Variants in TENM1 observed in about 807,000 individuals in gnomAD.
The protein encoded by TENM1 is teneurin transmembrane protein 1, also known as teneurin-1.
Under a neutral mutation model 174.8 loss-of-function variants are expected in TENM1, and 35 were observed. That is an observed-to-expected ratio of 0.20 (90% CI 0.15 to 0.27). The LOEUF (loss-of-function observed/expected upper bound fraction) is 0.27, where lower values mean the gene tolerates loss of function less well. Ranked by LOEUF, TENM1 falls within the 10% of genes least tolerant of loss-of-function variation. The pLI, the probability that TENM1 is intolerant of heterozygous loss-of-function variation, is 1.00. For missense variants in TENM1, 1,633 were observed against 2,130.1 expected, an observed-to-expected ratio of 0.77 and a Z score of 4.59; for synonymous variants, 781 against 798.7, an observed-to-expected ratio of 0.98 and a Z score of 0.37.
the TENM1 span, among the ~76,000 whole-genome samples, chrX:125,059,492 G>A: frequency 3.3e-3 from 358 of 109,803 alleles, no homozygotes; most frequent in Middle Eastern, 9.3e-3. Flanking sequence ...CATGAATCCC[G>A]CAACAGGTCA....
At chrX:125,109,168 C>T in the TENM1 span, among the ~76,000 whole-genome samples, 193 of 109,001 alleles carry the variant, frequency 1.8e-3, 3 homozygotes, top group Admixed American at 5.7e-3. Context: ...CTTCATGTGT[C>T]TACATGACGC....
intron 3 of TENM1, among the ~76,000 whole-genome samples, chrX:124,814,088 C>T (rs1166414863): frequency 9.0e-6 from 1 of 111,130 alleles, no homozygotes; most frequent in Non-Finnish European, 1.9e-5. Context: ...CATAGTTTAC[C>T]TTTTGGGAGG....
chrX:124,628,694 G>A (rs762492604), intron 11 of TENM1, among the ~76,000 whole-genome samples: 8 of 111,426 alleles, frequency 7.2e-5, no homozygotes, highest in Non-Finnish European at 1.5e-4. Flanking sequence ...TCCCTCTTGT[G>A]TTGGCTAAGA....
chrX:124,473,407 G>C (rs2061356451), intron 22 of TENM1, among the ~76,000 whole-genome samples: 1 of 111,568 alleles, frequency 9.0e-6, no homozygotes, highest in East Asian at 2.8e-4. Flanking sequence ...TTCATCAGCT[G>C]AGGCAGATAA....
At chrX:125,133,184 C>G in the TENM1 span, among the ~76,000 whole-genome samples, 2 of 110,428 alleles carry the variant, frequency 1.8e-5, no homozygotes, top group Non-Finnish European at 3.8e-5. Context: ...TTAGTAGAGA[C>G]AGGGTTTCAC....
intron 3 of TENM1, among the ~76,000 whole-genome samples, chrX:124,745,029 T>C (rs780931351): frequency 1.8e-5 from 2 of 111,631 alleles, no homozygotes; most frequent in Non-Finnish European, 3.8e-5. Context: ...ATATTAAGAA[T>C]AAACAAAAAA....
intron 6 of TENM1, among the ~76,000 whole-genome samples, chrX:124,655,514 A>G (rs1026308654): frequency 8.9e-6 from 1 of 111,795 alleles, no homozygotes; most frequent in Non-Finnish European, 1.9e-5. Context: ...CCTTCTCCAG[A>G]CCAAACACAG....
At chrX:125,004,535 C>T in the TENM1 span, among the ~76,000 whole-genome samples, 13 of 112,148 alleles carry the variant, frequency 1.2e-4, no homozygotes, top group East Asian at 3.1e-3. Flanking sequence ...ATAAAATCAA[C>T]GTCTGTATTA....
chrX:124,397,622 G>A (rs1395067316), intron 27 of TENM1, among the ~76,000 whole-genome samples: 1 of 111,000 alleles, frequency 9.0e-6, no homozygotes, highest in African/African-American at 3.3e-5. Flanking sequence ...TTTTGAGACA[G>A]AGTCTCGCTC....
chrX:124,779,562 AG>A (rs2054860207), intron 3 of TENM1, among the ~76,000 whole-genome samples: 1 of 111,828 alleles, frequency 8.9e-6, no homozygotes, highest in Non-Finnish European at 1.9e-5. Flanking sequence ...TGGGGCCTGA[AG>A]CTTTGAGTAT....
intron 4 of TENM1, among the ~76,000 whole-genome samples, chrX:124,729,068 T>C (rs2053506580): frequency 8.9e-6 from 1 of 112,519 alleles, no homozygotes; most frequent in Non-Finnish European, 1.9e-5. Context: ...TTCTCATTCC[T>C]CATAGAAGCG....
the TENM1 span, among the ~76,000 whole-genome samples, chrX:125,100,964 A>G: frequency 9.0e-3 from 1,004 of 111,863 alleles, 14 homozygotes; most frequent in African/African-American, 0.031. Flanking sequence ...CAGAGGCAAC[A>G]TAAGAACTCA....
chrX:124,693,504 T>C (rs1404111530), intron 5 of TENM1, among the ~76,000 whole-genome samples: 1 of 111,583 alleles, frequency 9.0e-6, no homozygotes, highest in African/African-American at 3.3e-5. Flanking sequence ...CCTTTCATCA[T>C]TGCATCTTTT....
chrX:124,792,138 A>G (rs1194113809), intron 3 of TENM1, among the ~76,000 whole-genome samples: 1 of 111,633 alleles, frequency 9.0e-6, no homozygotes, highest in Non-Finnish European at 1.9e-5. Flanking sequence ...TCAAATTTCC[A>G]CTTCTACCCC....
intron 1 of TENM1, among the ~76,000 whole-genome samples, chrX:124,962,020 T>C (rs1177864895): frequency 9.0e-6 from 1 of 111,321 alleles, no homozygotes; most frequent in African/African-American, 3.3e-5. Flanking sequence ...ATATAGTAAG[T>C]ATGTGTGGTT....
intron 23 of TENM1, among the ~76,000 whole-genome samples, chrX:124,439,157 G>C (rs1358250164): frequency 9.0e-6 from 1 of 111,515 alleles, no homozygotes; most frequent in Non-Finnish European, 1.9e-5. Flanking sequence ...TTCCCACTTA[G>C]CTGGGAGCCT....
the TENM1 span, among the ~76,000 whole-genome samples, chrX:125,092,306 G>C: frequency 9.0e-6 from 1 of 111,466 alleles, no homozygotes; most frequent in East Asian, 2.8e-4. Context: ...AAAGGATTGG[G>C]AAAGGTTCTG....
At chrX:125,109,193 A>G in the TENM1 span, among the ~76,000 whole-genome samples, 1 of 111,803 alleles carries the variant, frequency 8.9e-6, no homozygotes, top group African/African-American at 3.3e-5. Context: ...ACTTACACAC[A>G]CAGACGTATG....
intron 22 of TENM1, among the ~76,000 whole-genome samples, chrX:124,453,752 C>G (rs747964986): frequency 9.0e-6 from 1 of 110,602 alleles, no homozygotes; most frequent in African/African-American, 3.3e-5. Context: ...ACATTTCCAC[C>G]CCCTTGATAC....
Sources: gnomAD v4.1 joint callset for allele counts (sites outside exome capture counted in the v4.1 genomes callset) on GRCh38, gnomAD v4.1.1 for gene constraint, MANE v1.5 for transcripts, NCBI Gene and HGNC (gene_info 2026-07-23, HGNC 2026-07-21) for gene names.